Variants in HACD4 observed in about 807,000 individuals in gnomAD.
HACD4 encodes 3-hydroxyacyl-CoA dehydratase 4, also known as very-long-chain (3R)-3-hydroxyacyl-CoA dehydratase 4.
In HACD4, 35 loss-of-function variants were observed where a neutral mutation model predicts 33.3. The ratio of observed to expected loss-of-function variants is 1.05; its 90% CI spans 0.80 to 1.39. The LOEUF is 1.39. HACD4 is among the 40% of genes most tolerant of loss of function. The pLI is 0.00. For synonymous variants in HACD4, 118 were observed against 98.0 expected (o/e 1.20, Z -1.21); for missense variants, 323 against 276.5 (o/e 1.17, Z -1.19).
chr9:21,006,515 A>G lies in HACD4; in HGVS notation c.*522T>C, dbSNP rs1375240051. 1 of 164,550 alleles carries G rather than the reference A, an allele frequency of 6.1e-6. No homozygotes were observed. The highest frequency in any genetic ancestry group is 6.4e-5 in the Admixed American group (1 of 15,614). 10.2% of individuals were successfully genotyped at this position (164,550 alleles called of 1,614,324 possible). On this transcript the variant is annotated 3_prime_UTR_variant, in exon 7 of 7. Coordinates refer to ENST00000495827, the MANE Select transcript of HACD4 (RefSeq NM_001010915.5). The surrounding 1 kb of genome is among the most constrained non-coding windows in gnomAD (Gnocchi z 4.6). ...GACATAGGGCTTGGAAAGATATTTA[A>G]TTTTCTAAACATATCTAATGTTTAG...
intron 2 of HACD4, among the ~76,000 whole-genome samples, chr9:21,027,322 A>G (rs193036387): frequency 2.0e-5 from 3 of 152,320 alleles, no homozygotes; most frequent in African/African-American, 7.2e-5. Flanking sequence ...GAGGGTTCAC[A>G]TGAAATACTG....
intron 3 of HACD4, among the ~76,000 whole-genome samples, chr9:21,020,311 A>G (rs925737709): frequency 2.6e-5 from 4 of 152,180 alleles, no homozygotes; most frequent in Admixed American, 6.5e-5. Context: ...GCATTTCTCA[A>G]AAAGTGATGG....
At chr9:21,014,073 T>C (rs983529010) in intron 4 of HACD4, among the ~76,000 whole-genome samples, 2 of 152,204 alleles carry the variant, frequency 1.3e-5, no homozygotes, top group African/African-American at 4.8e-5. Flanking sequence ...GTATGGATTT[T>C]TCATAGATGC....
intron 3 of HACD4, among the ~76,000 whole-genome samples, chr9:21,025,432 G>A (rs1818038245): frequency 6.6e-6 from 1 of 152,016 alleles, no homozygotes; most frequent in Admixed American, 6.5e-5. Flanking sequence ...TTTGCTAGGT[G>A]CTGGCAACAC....
Position 21,031,636 on chromosome 9 carries a change from C to T in HACD4, c.-46G>A, listed in dbSNP as rs1021137722. The T allele has an allele frequency of 1.5e-6, 2 of 1,346,932 alleles. No homozygotes were observed. Among genetic ancestry groups the T allele is most frequent in the South Asian group, 3.7e-5 (2 of 54,614 alleles). 83.4% of individuals were successfully genotyped at this position (1,346,932 alleles called of 1,614,324 possible). A position where few individuals can be genotyped will look rare whatever the true frequency, so the allele number is the denominator to read the frequency against. On this transcript the variant is annotated 5_prime_UTR_variant, in exon 1 of 7. Transcript: ENST00000495827. ...TCCAGCGCGGTCCAGGAAGGAGTACCGGGGAGGAGGCAGGGGCGGCCCCGC... is the reference window on the plus strand; with the variant it reads ...TCCAGCGCGGTCCAGGAAGGAGTACTGGGGAGGAGGCAGGGGCGGCCCCGC...
chr9:21,006,922 G>C lies in HACD4; in HGVS notation c.*115C>G. 1 of 734,512 alleles carries C rather than the reference G, an allele frequency of 1.4e-6. No homozygotes were observed. The highest frequency in any genetic ancestry group is 1.4e-5 in the South Asian group (1 of 69,018). 45.5% of individuals were successfully genotyped at this position (734,512 alleles called of 1,614,324 possible). A position where few individuals can be genotyped will look rare whatever the true frequency, so the allele number is the denominator to read the frequency against. ...TTGGGGGTATGTGCAGTTATTTCAT[G>C]TAATGGATTTTTATCAAATACAAGG... On this transcript the variant is annotated 3_prime_UTR_variant, in exon 7 of 7. Coordinates refer to ENST00000495827, the MANE Select transcript of HACD4 (RefSeq NM_001010915.5). The surrounding 1 kb of genome is among the most constrained non-coding windows in gnomAD (Gnocchi z 4.6).
In HACD4 at chr9:21,001,854, C is replaced by G. The variant is rs546628038; in HGVS notation, c.*5183G>C. On this transcript the variant is annotated 3_prime_UTR_variant, in exon 7 of 7. Coordinates refer to ENST00000495827, the MANE Select transcript of HACD4 (RefSeq NM_001010915.5). ...GAAAGTATGTTACCACTAGACCTGC[C>G]CCTGCCAGAAATGCTAATAGGGGTC... 6.6e-6 allele frequency: 1 copy of G among 152,168 alleles called. No individual in the cohort carries two copies. Among genetic ancestry groups the G allele is most frequent in the South Asian group, 2.1e-4 (1 of 4,822 alleles). 9.4% of individuals were successfully genotyped at this position (152,168 alleles called of 1,614,324 possible).
chr9:21,025,902 C>T (rs1164658266), intron 3 of HACD4, among the ~76,000 whole-genome samples: 1 of 152,182 alleles, frequency 6.6e-6, no homozygotes, highest in Non-Finnish European at 1.5e-5. Context: ...TTTCATATCA[C>T]ATGAGAAAAT....
At chr9:21,024,760 G>A (rs1818019720) in intron 3 of HACD4, among the ~76,000 whole-genome samples, 1 of 152,088 alleles carries the variant, frequency 6.6e-6, no homozygotes. Flanking sequence ...TTTTGAAAAT[G>A]TTTACCATGA....
At chr9:21,012,037 TGACA>T (rs1289761136) in intron 4 of HACD4, among the ~76,000 whole-genome samples, 5 of 152,234 alleles carry the variant, frequency 3.3e-5, no homozygotes, top group Non-Finnish European at 7.3e-5. Context: ...GGTTTTTTAA[TGACA>T]GACATACTTG....
chr9:21,005,834 G>C lies in HACD4; in HGVS notation c.*1203C>G, dbSNP rs185506617. 17 of 152,452 alleles carry C rather than the reference G, an allele frequency of 1.1e-4. No individual in the cohort carries two copies. The highest frequency in any genetic ancestry group is 2.2e-4 in the Non-Finnish European group (15 of 68,146). 9.4% of individuals were successfully genotyped at this position (152,452 alleles called of 1,614,324 possible). A position where few individuals can be genotyped will look rare whatever the true frequency, so the allele number is the denominator to read the frequency against. The stretch of plus-strand genomic sequence containing the variant: ...GTTTGCCTTGCTAGGTTTTGGACTT[G>C]CTGGGGACCCATTACACCTTCCTTT... On this transcript the variant is annotated 3_prime_UTR_variant, in exon 7 of 7. Transcript: ENST00000495827. The surrounding 1 kb of genome is among the most constrained non-coding windows in gnomAD (Gnocchi z 4.0).
At chr9:21,029,431 C>A (rs771976272) in intron 1 of HACD4, 33 bp from the exon 2 acceptor site, 1 of 1,297,170 alleles carries the variant, frequency 7.7e-7, no homozygotes, top group African/African-American at 1.5e-5. Context: ...TTAAACACTT[C>A]TTTTATAATC....
intron 3 of HACD4, among the ~76,000 whole-genome samples, chr9:21,021,409 T>C (rs1173034491): frequency 6.6e-6 from 1 of 152,086 alleles, no homozygotes; most frequent in Non-Finnish European, 1.5e-5. Flanking sequence ...AAATAAAGGG[T>C]ATTCAATTAG....
chr9:21,028,926 A>C (rs1262651127), intron 2 of HACD4, among the ~76,000 whole-genome samples: 1 of 152,216 alleles, frequency 6.6e-6, no homozygotes, highest in Non-Finnish European at 1.5e-5. Context: ...TAATACAAAC[A>C]CTGGAAGAAT....
intron 3 of HACD4, among the ~76,000 whole-genome samples, chr9:21,016,876 C>T (rs1176624460): frequency 6.6e-6 from 1 of 151,606 alleles, no homozygotes; most frequent in Non-Finnish European, 1.5e-5. Flanking sequence ...TCCAAGTCAG[C>T]ATTTACAAAT....
rs796827129 is a variant in HACD4 at position 21,001,704 on chromosome 9, A to T, written c.*5333T>A. 4 of 152,252 alleles carry T rather than the reference A, an allele frequency of 2.6e-5. No individual in the cohort carries two copies. The highest frequency in any genetic ancestry group is 7.2e-5 in the African/African-American group (3 of 41,574). The allele number at this position is 152,252 out of a possible 1,614,324, so 9.4% of individuals were successfully genotyped here. A position where few individuals can be genotyped will look rare whatever the true frequency, so the allele number is the denominator to read the frequency against. ...TCAGAAACTTTGGAGGCCAGAATGC[A>T]GTGAGCTCACATATTCAAAGTGTTA... On this transcript the variant is annotated 3_prime_UTR_variant, in exon 7 of 7. Transcript: ENST00000495827.
chr9:21,026,398 ACTGCC>A (rs1393606041), intron 3 of HACD4, among the ~76,000 whole-genome samples, 193 bp downstream of exon 3: 1 of 152,234 alleles, frequency 6.6e-6, no homozygotes, highest in Non-Finnish European at 1.5e-5. Context: ...AGCAAGCATC[ACTGCC>A]CTCAGTGTTT....
intron 1 of HACD4, 147 bp from the exon 2 acceptor site, chr9:21,029,545 A>C: frequency 2.1e-6 from 1 of 476,346 alleles, no homozygotes; most frequent in Non-Finnish European, 3.8e-6. Flanking sequence ...CCCCAAGTAC[A>C]TATCAGATTT....
chr9:21,003,570 TACTC>T lies in HACD4; in HGVS notation c.*3463_*3466del, dbSNP rs1041601712. Reference sequence around the variant, plus strand: ...TTTATAAAGATTTCAAGTAGCCTAATACTCAATTGTTTCTTTCCAAATGTTTTCT... The same window carrying T: ...TTTATAAAGATTTCAAGTAGCCTAATAATTGTTTCTTTCCAAATGTTTTCT... On this transcript the variant is annotated 3_prime_UTR_variant, in exon 7 of 7. Transcript: ENST00000495827. The T allele has an allele frequency of 9.2e-5, 14 of 152,200 alleles. No homozygotes were observed. Among genetic ancestry groups the T allele is most frequent in the African/African-American group, 1.2e-4 (5 of 41,478 alleles). The allele number at this position is 152,200 out of a possible 1,614,324, so 9.4% of individuals were successfully genotyped here. A position where few individuals can be genotyped will look rare whatever the true frequency, so the allele number is the denominator to read the frequency against.
Sources: gnomAD v4.1 joint callset for allele counts (sites outside exome capture counted in the v4.1 genomes callset) on GRCh38, gnomAD v4.1.1 for gene constraint, Gnocchi (gnomAD v3.1) non-coding constraint, MANE v1.5 for transcripts, NCBI Gene and HGNC (gene_info 2026-07-23, HGNC 2026-07-21) for gene names.